RABGAP1L: variants seen among roughly 807,000 people sequenced by gnomAD.
RABGAP1L encodes the protein RAB GTPase activating protein 1 like, also known as rab GTPase-activating protein 1-like.
RABGAP1L carries 63 observed loss-of-function variants against 137.7 expected under a neutral mutation model. The observed-to-expected ratio is 0.46, with a 90% CI of 0.37 to 0.56. RABGAP1L has a LOEUF of 0.56. Ranked by LOEUF, RABGAP1L falls within the 20% of genes least tolerant of loss-of-function variation. RABGAP1L has a pLI of 0.00. For missense variants in RABGAP1L, 1,095 were observed against 1,244.0 expected (o/e 0.88, Z 1.80); for synonymous variants, 431 against 433.7 (o/e 0.99, Z 0.08).
At chr1:174,290,166 T>C (rs1676460615) in intron 10 of RABGAP1L, among the ~76,000 whole-genome samples, 1 of 152,118 alleles carries the variant, frequency 6.6e-6, no homozygotes, top group Admixed American at 6.6e-5. Flanking sequence ...CCAGGATTGC[T>C]TTGCAGGTGG....
intron 13 of RABGAP1L, among the ~76,000 whole-genome samples, chr1:174,421,485 C>T (rs1334940229): frequency 6.6e-6 from 1 of 152,198 alleles, no homozygotes; most frequent in Admixed American, 6.5e-5. Flanking sequence ...CAGTGTTCTT[C>T]ATTCATTCCC....
chr1:174,961,688 A>G (rs1188734597), intron 20 of RABGAP1L, among the ~76,000 whole-genome samples: 1 of 151,628 alleles, frequency 6.6e-6, no homozygotes, highest in African/African-American at 2.4e-5. Context: ...CTACTAAAAA[A>G]TATAAAAATT....
In RABGAP1L at chr1:174,764,631, G is replaced by T. The variant is rs143725671; in HGVS notation, c.2211+12277G>T. Among the ~76,000 whole-genome samples, 768 of 152,180 alleles carry T rather than the reference G, an allele frequency of 5.0e-3. 10 individuals carry two copies. Among genetic ancestry groups the T allele is most frequent in the Admixed American group, 0.011 (169 of 15,290 alleles). ...TTTTCTTTGATTTTGTTTTTTTAGG[G>T]CTGGGGTCTCACTCTGTTGCCCAGG... is the stretch of plus-strand genomic sequence containing the variant. On this transcript the variant is annotated intron_variant, in intron 18 of 25. Coordinates refer to ENST00000681986, the MANE Select transcript of RABGAP1L (RefSeq NM_001366446.1).
chr1:174,993,839 T>C lies in RABGAP1L; in HGVS notation c.*3838T>C, dbSNP rs567494850. 1 of 152,386 alleles carries C rather than the reference T, an allele frequency of 6.6e-6. No individual in the cohort carries two copies. Among genetic ancestry groups the C allele is most frequent in the Admixed American group, 6.5e-5 (1 of 15,312 alleles). 9.4% of individuals were successfully genotyped at this position (152,386 alleles called of 1,614,324 possible). On this transcript the variant is annotated 3_prime_UTR_variant, in exon 26 of 26. Coordinates refer to ENST00000681986, the MANE Select transcript of RABGAP1L (RefSeq NM_001366446.1). ...TGCCCTTAAAAACACTCCAAAATAC[T>C]GACTCCTTTTCTCCAATTACAAATG...
intron 11 of RABGAP1L, among the ~76,000 whole-genome samples, chr1:174,354,579 T>C (rs568919039): frequency 6.6e-6 from 1 of 152,242 alleles, no homozygotes; most frequent in Non-Finnish European, 1.5e-5. Flanking sequence ...CCCTTATGAT[T>C]AAGAAAGCAT....
intron 13 of RABGAP1L, among the ~76,000 whole-genome samples, chr1:174,484,557 A>G (rs1355200666): frequency 6.6e-6 from 1 of 152,152 alleles, no homozygotes; most frequent in African/African-American, 2.4e-5. Context: ...TAAGTCTTTA[A>G]TCCATTTTGA....
At chr1:174,815,483 A>G (rs995216619) in intron 19 of RABGAP1L, among the ~76,000 whole-genome samples, 29 of 152,106 alleles carry the variant, frequency 1.9e-4, no homozygotes, top group Non-Finnish European at 7.4e-5. Context: ...TGTTGTATAT[A>G]GTTGTGTCTT....
intron 1 of RABGAP1L, among the ~76,000 whole-genome samples, chr1:174,195,616 T>TCTTCCTTCCTTCCTTCCTTC (rs1206660580): frequency 4.0e-4 from 23 of 57,672 alleles, no homozygotes; most frequent in Non-Finnish European, 8.2e-4. Flanking sequence ...TTTCTTTCTT[T>TCTTCCTTCCTTCCTTCCTTC]CTTCCTTCCT....
In RABGAP1L at chr1:174,945,429, A is replaced by C. The variant is rs12095410; in HGVS notation, c.2341-12028A>C. 1,061 of 152,366 alleles carry C rather than the reference A, an allele frequency of 7.0e-3. 9 individuals carry two copies. Among genetic ancestry groups the C allele is most frequent in the African/African-American group, 0.025 (1,021 of 41,586 alleles). 9.4% of individuals were successfully genotyped at this position (152,366 alleles called of 1,614,324 possible). A position where few individuals can be genotyped will look rare whatever the true frequency, so the allele number is the denominator to read the frequency against. On this transcript the variant is annotated intron_variant, in intron 19 of 25. Coordinates refer to ENST00000681986, the MANE Select transcript of RABGAP1L (RefSeq NM_001366446.1). ...AGAAATAAAAAACATCCAACATGGT[A>C]TACTAACTTGATATTATTGCTTCTT...
Position 174,990,105 on chromosome 1 carries a change from C to A in RABGAP1L, c.*104C>A. On this transcript the variant is annotated 3_prime_UTR_variant, in exon 26 of 26. Transcript: ENST00000681986. ...AAGGAAAGTCAAGGAGGCCAGAAAACAAGCCAGAATTTTTCAGTAGCTCTC... is the reference window on the plus strand; with the variant it reads ...AAGGAAAGTCAAGGAGGCCAGAAAAAAAGCCAGAATTTTTCAGTAGCTCTC... 1 of 1,360,632 alleles carries A rather than the reference C, an allele frequency of 7.3e-7. No individual in the cohort carries two copies. The highest frequency in any genetic ancestry group is 1.5e-5 in the South Asian group (1 of 68,158). 84.3% of individuals were successfully genotyped at this position (1,360,632 alleles called of 1,614,324 possible). A position where few individuals can be genotyped will look rare whatever the true frequency, so the allele number is the denominator to read the frequency against.
In RABGAP1L at chr1:174,345,769, T is replaced by G. The variant is rs569006544; in HGVS notation, c.1466-25210T>G. Among the ~76,000 whole-genome samples the G allele has an allele frequency of 5.3e-5, 8 of 152,314 alleles. No homozygotes were observed. In the East Asian group the frequency reaches 7.7e-4, roughly 15 times the overall value. On this transcript the variant is annotated intron_variant, in intron 11 of 25. Coordinates refer to ENST00000681986, the MANE Select transcript of RABGAP1L (RefSeq NM_001366446.1). ...TGTGTAATTGCTCTGGCTAGGACTT[T>G]CAGTACTATGTCGAATAACTGTGGT... is the stretch of plus-strand genomic sequence containing the variant.
intron 1 of RABGAP1L, among the ~76,000 whole-genome samples, chr1:174,165,889 A>G (rs778535434): frequency 5.9e-5 from 9 of 152,196 alleles, no homozygotes; most frequent in Non-Finnish European, 1.0e-4. Context: ...GCCAGGGGCC[A>G]GGGTGATCAA....
chr1:174,446,350 G>A (rs537043842), intron 13 of RABGAP1L, among the ~76,000 whole-genome samples: 1 of 152,314 alleles, frequency 6.6e-6, no homozygotes, highest in East Asian at 1.9e-4. Flanking sequence ...AGAAGGACTT[G>A]CCTGAATGAC....
intron 13 of RABGAP1L, among the ~76,000 whole-genome samples, chr1:174,550,999 CATATATATATATATATATAT>C (rs549477266): frequency 2.3e-5 from 2 of 86,372 alleles, no homozygotes; most frequent in Non-Finnish European, 4.0e-5. Context: ...TATATATACA[CATATATATATATATATATAT>C]ATACATACAC....
intron 13 of RABGAP1L, among the ~76,000 whole-genome samples, chr1:174,550,997 C>CACATATATATATATATATATATAT (rs1666472595): frequency 2.2e-5 from 2 of 92,208 alleles, no homozygotes; most frequent in Non-Finnish European, 3.6e-5. Context: ...TATATATATA[C>CACATATATATATATATATATATAT]ACATATATAT....
chr1:174,618,358 T>A (rs1672105621), intron 13 of RABGAP1L, among the ~76,000 whole-genome samples: 1 of 152,212 alleles, frequency 6.6e-6, no homozygotes, highest in East Asian at 1.9e-4. Context: ...AGTGGGTCTC[T>A]GACCCACGCG....
At chr1:174,462,356 AT>A (rs753540312) in intron 13 of RABGAP1L, among the ~76,000 whole-genome samples, 42 of 152,276 alleles carry the variant, frequency 2.8e-4, no homozygotes, top group Non-Finnish European at 4.6e-4. Flanking sequence ...CACCTGCTTA[AT>A]TTATATTCCT....
intron 17 of RABGAP1L, among the ~76,000 whole-genome samples, chr1:174,712,013 G>A (rs899707339): frequency 6.6e-6 from 1 of 152,136 alleles, no homozygotes; most frequent in African/African-American, 2.4e-5. Flanking sequence ...GAGAACTTTT[G>A]TGTCTAGCTA....
At chr1:174,766,194 C>G (rs1685654951) in intron 18 of RABGAP1L, among the ~76,000 whole-genome samples, 1 of 152,170 alleles carries the variant, frequency 6.6e-6, no homozygotes, top group South Asian at 2.1e-4. Context: ...ACACCTTGAT[C>G]TTAGACTTCT....
Sources: allele counts gnomAD v4.1 joint callset (sites outside exome capture counted in the v4.1 genomes callset), GRCh38; gene constraint gnomAD v4.1.1; transcripts MANE v1.5; gene names NCBI Gene and HGNC (gene_info 2026-07-23, HGNC 2026-07-21).